The following C4BPA variants were observed in gnomAD, a reference collection of about 807,000 sequenced individuals.
The protein encoded by C4BPA is complement component 4 binding protein alpha.
A neutral mutation model predicts 63.7 loss-of-function variants in C4BPA; 31 were observed. That is an observed-to-expected ratio of 0.49 (90% confidence interval 0.37 to 0.66). The LOEUF (loss-of-function observed/expected upper bound fraction) is 0.66, where lower values mean the gene tolerates loss of function less well. Among genes scored for constraint, C4BPA ranks in the 30% least tolerant of loss-of-function variants. C4BPA has a pLI of 0.00. For missense variants in C4BPA, 572 were observed against 723.3 expected (o/e 0.79, Z 2.40); for synonymous variants, 259 against 254.7 (o/e 1.02, Z -0.16).
Position 207,144,673 on chromosome 1 carries a change from C to G in C4BPA, c.1750C>G (p.Gln584Glu). ...TCTGGAAATTGAACAACTGGAACTA[C>G]AGAGAGACAGCGCAAGACAATCCAC... Reference protein sequence around the residue: ...LSLEIEQLELQRDSARQSTLD... With the variant: ...LSLEIEQLELERDSARQSTLD... Residue 584 changes from glutamine (Q) to glutamate (E), a missense_variant, in exon 12 of 12, where the codon CAG becomes GAG. Physicochemically the swap from Gln to Glu is conservative, Grantham distance 29. Coordinates refer to ENST00000367070, the MANE Select transcript of C4BPA (RefSeq NM_000715.4). The G allele has an allele frequency of 1.9e-6, 3 of 1,613,476 alleles. No individual in the cohort carries two copies. Among genetic ancestry groups the G allele is most frequent in the Non-Finnish European group, 2.5e-6 (3 of 1,179,678 alleles).
chr1:207,122,818 C>A (rs1315725490), intron 4 of C4BPA, among the ~76,000 whole-genome samples: 1 of 152,178 alleles, frequency 6.6e-6, no homozygotes, highest in Admixed American at 6.5e-5. Context: ...AAAGAATTCA[C>A]CTGCCTCAGC....
intron 9 of C4BPA, 98 bp from the exon 10 acceptor site, chr1:207,141,008 C>T (rs1486785844): frequency 4.5e-6 from 4 of 897,096 alleles, no homozygotes; most frequent in East Asian, 5.4e-5. Flanking sequence ...GATAGAAGGA[C>T]AGAATGAAGC....
chr1:207,134,538 G>A lies in C4BPA; in HGVS notation c.1219G>A (p.Ala407Thr). The change falls in exon 9 of 12, where the codon GCT becomes ACT. Residue 407 changes from alanine to threonine, a missense_variant. Coordinates refer to ENST00000367070, the MANE Select transcript of C4BPA (RefSeq NM_000715.4). Reference protein sequence around the residue: ...FSCHETSRFSAICQGDGTWSP... With the variant: ...FSCHETSRFSTICQGDGTWSP... ...ATGTCATGAGACCAGTAGGTTTTCA[G>A]CTATATGCCAAGGAGATGGCACGTG... The A allele has an allele frequency of 6.2e-7, 1 of 1,613,980 alleles. No homozygotes were observed. Among genetic ancestry groups the A allele is most frequent in the Non-Finnish European group, 8.5e-7 (1 of 1,179,856 alleles).
At chr1:207,107,908 G>C (rs1684591756) in intron 1 of C4BPA, among the ~76,000 whole-genome samples, 1 of 152,130 alleles carries the variant, frequency 6.6e-6, no homozygotes, top group South Asian at 2.1e-4. Flanking sequence ...TCTGAATAGT[G>C]CAAGGAGGTG....
intron 1 of C4BPA, among the ~76,000 whole-genome samples, chr1:207,112,307 G>A (rs868745712): frequency 4.7e-5 from 7 of 149,610 alleles, no homozygotes; most frequent in Middle Eastern, 3.2e-3. Flanking sequence ...TCTATACGGC[G>A]ACTCAACTCT....
In C4BPA at chr1:207,106,441, G is replaced by GTTTTTTTTTTT. The variant is rs757122192; in HGVS notation, c.-26+2017_-26+2027dup. ...CTGTCTTATTCCTTCCTCCGTGTAA[G>GTTTTTTTTTTT]TTTTTTTTTTTTTTTTGAAACGGAG... On this transcript the variant is annotated intron_variant, in intron 1 of 11. Coordinates refer to ENST00000367070, the MANE Select transcript of C4BPA (RefSeq NM_000715.4). Among the ~76,000 whole-genome samples, 127 of 118,420 alleles carry GTTTTTTTTTTT rather than the reference G, an allele frequency of 1.1e-3. 4 individuals are homozygous for GTTTTTTTTTTT. Among genetic ancestry groups the GTTTTTTTTTTT allele is most frequent in the African/African-American group, 4.3e-3 (115 of 27,014 alleles). 77.7% of individuals were successfully genotyped at this position (118,420 alleles called of 152,430 possible).
chr1:207,143,040 G>A (rs960039892), intron 10 of C4BPA, among the ~76,000 whole-genome samples: 4 of 152,186 alleles, frequency 2.6e-5, no homozygotes, highest in African/African-American at 9.7e-5. Context: ...GCACATGTAT[G>A]TTTATTGCAG....
chr1:207,111,104 G>A lies in C4BPA; in HGVS notation c.-25-1897G>A, dbSNP rs1572774481. Among the ~76,000 whole-genome samples, 5 of 152,356 alleles carry A rather than the reference G, an allele frequency of 3.3e-5. No individual in the cohort carries two copies. In the South Asian group the frequency reaches 1.0e-3, roughly 32 times the overall value. On this transcript the variant is annotated intron_variant, in intron 1 of 11. Transcript: ENST00000367070. ...GTCACATTTTATGAATTTCACAGATGATGAGTGAGGTGGTTTTCATGATAT... is the reference window on the plus strand; with the variant it reads ...GTCACATTTTATGAATTTCACAGATAATGAGTGAGGTGGTTTTCATGATAT...
chr1:207,140,430 T>C (rs1256544678), intron 9 of C4BPA, among the ~76,000 whole-genome samples: 3 of 152,134 alleles, frequency 2.0e-5, no homozygotes, highest in African/African-American at 7.2e-5. Context: ...TCCAGGAGCA[T>C]CTTATTGTAG....
intron 8 of C4BPA, 118 bp from the exon 9 acceptor site, chr1:207,134,286 T>G: frequency 1.3e-6 from 1 of 751,998 alleles, no homozygotes; most frequent in South Asian, 1.8e-5. Context: ...TCTCCCTTTC[T>G]GTTTCCCCAA....
At position 207,141,122 on chromosome 1, in the gene C4BPA, T is replaced by C; in HGVS notation, c.1290T>C (p.Pro430=). 6.2e-7 allele frequency: 1 copy of C among 1,610,772 alleles called. No individual in the cohort carries two copies. The highest frequency in any genetic ancestry group is 8.5e-7 in the Non-Finnish European group (1 of 1,178,714). The change falls in exon 10 of 12, where the codon CCT becomes CCC. Residue 430 remains proline, a synonymous_variant. Coordinates refer to ENST00000367070, the MANE Select transcript of C4BPA (RefSeq NM_000715.4). ...PSCGDICNFP[P]KIAHGHYKQS... ...TCCCTCAAGTTTGCAATTTTCCTCC[T>C]AAAATTGCCCATGGGCATTATAAAC...
intron 1 of C4BPA, among the ~76,000 whole-genome samples, chr1:207,106,441 G>GT (rs757122192): frequency 0.044 from 5,214 of 118,384 alleles, 162 homozygotes; most frequent in South Asian, 0.1. Context: ...CTCCGTGTAA[G>GT]TTTTTTTTTT....
chr1:207,140,965 T>C, intron 9 of C4BPA, 141 bp from the exon 10 acceptor site: 2 of 570,770 alleles, frequency 3.5e-6, no homozygotes, highest in Admixed American at 3.2e-5. Flanking sequence ...CAGAAGTGTC[T>C]GGGTTTGGCT....
chr1:207,111,404 TG>T (rs368380618), intron 1 of C4BPA, among the ~76,000 whole-genome samples: 35 of 152,204 alleles, frequency 2.3e-4, no homozygotes, highest in African/African-American at 8.4e-4. Context: ...ATTGCCCCGG[TG>T]GGGATGTATA....
Position 207,126,909 on chromosome 1 carries a change from G to A in C4BPA, c.889+14G>A, listed in dbSNP as rs774349261. 6.2e-6 allele frequency: 10 copies of A among 1,603,628 alleles called. No homozygotes were observed. The highest frequency in any genetic ancestry group is 2.2e-5 in the East Asian group (1 of 44,616). ...CTTGTGAGCCCAGTAAGTATGGACTGTGACAGAATTTCAATGTTTGGCATC... is the reference window on the plus strand; with the variant it reads ...CTTGTGAGCCCAGTAAGTATGGACTATGACAGAATTTCAATGTTTGGCATC... On this transcript the variant is annotated intron_variant, in intron 7 of 11. Coordinates refer to ENST00000367070, the MANE Select transcript of C4BPA (RefSeq NM_000715.4).
chr1:207,118,250 C>CTATCTATCATT (rs1363950291), intron 4 of C4BPA, among the ~76,000 whole-genome samples: 27 of 132,892 alleles, frequency 2.0e-4, no homozygotes, highest in Non-Finnish European at 2.3e-4. Flanking sequence ...TATCTATCAT[C>CTATCTATCATT]TATCTACTAT....
intron 1 of C4BPA, among the ~76,000 whole-genome samples, chr1:207,108,446 G>A (rs749764193): frequency 1.3e-5 from 2 of 152,180 alleles, no homozygotes; most frequent in Non-Finnish European, 2.9e-5. Flanking sequence ...GTTTTGTCAC[G>A]TAGATTATCA....
At chr1:207,116,844 T>G (rs1278583624) in intron 4 of C4BPA, among the ~76,000 whole-genome samples, 2 of 152,186 alleles carry the variant, frequency 1.3e-5, no homozygotes, top group Non-Finnish European at 1.5e-5. Context: ...GCTTTCCTGT[T>G]ACGCCAACAC....
chr1:207,129,926 T>A (rs1685125871), intron 7 of C4BPA, among the ~76,000 whole-genome samples: 1 of 152,202 alleles, frequency 6.6e-6, no homozygotes, highest in Non-Finnish European at 1.5e-5. Context: ...CCATCTGGTG[T>A]CATTTCTGTA....
Sources: allele counts gnomAD v4.1 joint callset (sites outside exome capture counted in the v4.1 genomes callset), GRCh38; gene constraint gnomAD v4.1.1; transcripts MANE v1.5; gene names NCBI Gene and HGNC (gene_info 2026-07-23, HGNC 2026-07-21).